The following PLCB1 variants were observed in gnomAD, a reference collection of about 807,000 sequenced individuals.
PLCB1 encodes phospholipase C beta 1.
A neutral mutation model predicts 161.8 loss-of-function variants in PLCB1; 46 were observed. The ratio of observed to expected loss-of-function variants is 0.28; its 90% CI spans 0.22 to 0.36. PLCB1 has a LOEUF of 0.36. PLCB1 is among the 10% of genes least tolerant of loss of function. The pLI is 1.00. For synonymous variants in PLCB1, 517 were observed against 503.7 expected, an observed-to-expected ratio of 1.03 and a Z score of -0.35; for missense variants, 1,016 against 1,472.5, an observed-to-expected ratio of 0.69 and a Z score of 5.07.
intron 3 of PLCB1, among the ~76,000 whole-genome samples, chr20:8,482,293 GGGGTTTCACCACGTT>G (rs1038944407): frequency 1.3e-5 from 2 of 151,694 alleles, no homozygotes; most frequent in African/African-American, 4.8e-5. Flanking sequence ...TAGTAGAGAC[GGGGTTTCACCACGTT>G]GGGCAGGATG....
At chr20:8,532,904 G>A (rs944273939) in intron 3 of PLCB1, among the ~76,000 whole-genome samples, 1 of 151,672 alleles carries the variant, frequency 6.6e-6, no homozygotes, top group South Asian at 2.1e-4. Flanking sequence ...GGGTACATGT[G>A]CACAATGTAC....
chr20:8,254,044 C>T (rs1368407728), intron 2 of PLCB1, among the ~76,000 whole-genome samples: 6 of 151,882 alleles, frequency 4.0e-5, no homozygotes, highest in South Asian at 2.1e-4. Context: ...AAATTAACTC[C>T]GGGACTTTGC....
chr20:8,678,660 C>T (rs1600245039), intron 9 of PLCB1, among the ~76,000 whole-genome samples: 1 of 152,296 alleles, frequency 6.6e-6, no homozygotes, highest in East Asian at 1.9e-4. Context: ...TCTTAGCTCC[C>T]CTTGGTGACT....
intron 3 of PLCB1, among the ~76,000 whole-genome samples, chr20:8,614,868 A>G (rs1350756958): frequency 6.6e-6 from 1 of 152,066 alleles, no homozygotes; most frequent in Non-Finnish European, 1.5e-5. Context: ...GTTCTCCACC[A>G]TGTTTTTAAT....
intron 2 of PLCB1, among the ~76,000 whole-genome samples, chr20:8,188,717 C>T (rs1160598965): frequency 2.6e-5 from 4 of 152,054 alleles, no homozygotes; most frequent in East Asian, 1.9e-4. Flanking sequence ...AAGTGTATTG[C>T]GACGTTTTCA....
At chr20:8,500,478 G>A (rs529961594) in intron 3 of PLCB1, among the ~76,000 whole-genome samples, 12 of 152,300 alleles carry the variant, frequency 7.9e-5, no homozygotes, top group East Asian at 5.8e-4. Context: ...TATGAGCAAT[G>A]ATGGTAGGTT....
intron 3 of PLCB1, among the ~76,000 whole-genome samples, chr20:8,378,850 C>G (rs1305045738): frequency 6.6e-6 from 1 of 152,246 alleles, no homozygotes; most frequent in Non-Finnish European, 1.5e-5. Flanking sequence ...CGTTTCAACA[C>G]TGTTCAGTGT....
At chr20:8,844,125 A>G (rs2146293618) in intron 31 of PLCB1, among the ~76,000 whole-genome samples, 1 of 152,296 alleles carries the variant, frequency 6.6e-6, no homozygotes, top group Admixed American at 6.5e-5. Flanking sequence ...TTCTTCATAA[A>G]ATTACTTTTT....
intron 2 of PLCB1, among the ~76,000 whole-genome samples, chr20:8,288,359 G>A (rs1372810113): frequency 6.6e-6 from 1 of 152,170 alleles, no homozygotes; most frequent in African/African-American, 2.4e-5. Context: ...ACTATTTTTT[G>A]TCAGACGGTC....
chr20:8,398,594 T>C (rs1978393725), intron 3 of PLCB1, among the ~76,000 whole-genome samples: 1 of 152,158 alleles, frequency 6.6e-6, no homozygotes, highest in Admixed American at 6.5e-5. Flanking sequence ...CTCTAGTCTC[T>C]TTTTCCAAAG....
In PLCB1 at chr20:8,546,300, C is replaced by G. The variant is rs1277920607; in HGVS notation, c.247-81994C>G. Among the ~76,000 whole-genome samples, 3 of 100,526 alleles carry G rather than the reference C, an allele frequency of 3.0e-5. No homozygotes were observed. The East Asian group carries it at 1.4e-3, about 46-fold the overall frequency. 65.9% of individuals were successfully genotyped at this position (100,526 alleles called of 152,430 possible). ...CTGACTCCAGCCTGGATGACAAGAA[C>G]AAGACTCTATCTCAAAAAAAAAAAA... is the stretch of plus-strand genomic sequence containing the variant. On this transcript the variant is annotated intron_variant, in intron 3 of 31. Transcript: ENST00000338037.
At chr20:8,435,824 A>G (rs1382918178) in intron 3 of PLCB1, among the ~76,000 whole-genome samples, 2 of 152,224 alleles carry the variant, frequency 1.3e-5, no homozygotes, top group East Asian at 1.9e-4. Context: ...GACAGAGATC[A>G]TTTTTTCAAG....
At chr20:8,284,345 A>G (rs1246679723) in intron 2 of PLCB1, among the ~76,000 whole-genome samples, 1 of 152,172 alleles carries the variant, frequency 6.6e-6, no homozygotes, top group Non-Finnish European at 1.5e-5. Flanking sequence ...GATTGTATAG[A>G]ATTCATTAAT....
chr20:8,172,010 A>G (rs572470241), intron 2 of PLCB1, among the ~76,000 whole-genome samples: 9 of 152,042 alleles, frequency 5.9e-5, no homozygotes, highest in African/African-American at 2.2e-4. Flanking sequence ...TTTTTCAGTT[A>G]TGTCCTTTCC....
Position 8,263,511 on chromosome 20 carries a change from A to G in PLCB1, c.178-107871A>G, listed in dbSNP as rs181949819. On this transcript the variant is annotated intron_variant, in intron 2 of 31. Coordinates refer to ENST00000338037, the MANE Select transcript of PLCB1 (RefSeq NM_015192.4). The stretch of plus-strand genomic sequence containing the variant: ...AAATTGCTAATTCTTTCCTTATTAT[A>G]TATTATAATCATGTGTCACTTAATG... 2.6e-5 allele frequency among the ~76,000 whole-genome samples: 4 copies of G among 152,242 alleles called. No homozygotes were observed. The East Asian group carries it at 5.8e-4, about 22-fold the overall frequency.
At chr20:8,258,663 G>A (rs893541030) in intron 2 of PLCB1, among the ~76,000 whole-genome samples, 1 of 151,994 alleles carries the variant, frequency 6.6e-6, no homozygotes, top group African/African-American at 2.4e-5. Flanking sequence ...TTGAATTTGG[G>A]ATTCTAATAC....
intron 3 of PLCB1, among the ~76,000 whole-genome samples, chr20:8,577,845 T>C (rs974988980): frequency 6.6e-6 from 1 of 152,216 alleles, no homozygotes; most frequent in Non-Finnish European, 1.5e-5. Flanking sequence ...GCACTTATAA[T>C]GCTTCCCATA....
intron 23 of PLCB1, chr20:8,752,404 T>A (rs1386532983): frequency 1.3e-5 from 2 of 152,202 alleles, no homozygotes; most frequent in Non-Finnish European, 2.9e-5. Flanking sequence ...ACTGACTGGC[T>A]GTGAAAAAGC....
intron 3 of PLCB1, among the ~76,000 whole-genome samples, chr20:8,445,627 T>C (rs1980788928): frequency 1.3e-5 from 2 of 152,176 alleles, no homozygotes; most frequent in South Asian, 4.1e-4. Context: ...AATCTATAAA[T>C]TACCTTGAGC....
Sources: allele counts gnomAD v4.1 joint callset (sites outside exome capture counted in the v4.1 genomes callset), GRCh38; gene constraint gnomAD v4.1.1; transcripts MANE v1.5; gene names NCBI Gene and HGNC (gene_info 2026-07-23, HGNC 2026-07-21).